Variants in PCA3 observed in about 807,000 individuals in gnomAD.
PCA3 encodes the protein prostate cancer associated 3, also known as Differential Display code 3.
chr9:76,769,494 CTCG>C (rs35213219), intron 2 of PCA3, among the ~76,000 whole-genome samples: 72,068 of 151,686 alleles, frequency 0.48, 17,499 homozygotes, highest in East Asian at 0.66. Flanking sequence ...ACAATCTCGG[CTCG>C]TCGTCGCAAC....
chr9:76,776,739 T>C (rs906800858), intron 2 of PCA3, among the ~76,000 whole-genome samples: 2 of 151,648 alleles, frequency 1.3e-5, no homozygotes, highest in African/African-American at 4.8e-5. Flanking sequence ...GATCTCGAAC[T>C]CCTAACCTCA....
intron 2 of PCA3, among the ~76,000 whole-genome samples, chr9:76,776,846 G>A (rs1217301590): frequency 7.2e-6 from 1 of 139,860 alleles, no homozygotes; most frequent in Non-Finnish European, 1.5e-5. Context: ...TATGTTTGAA[G>A]ATACATGAAG....
chr9:76,772,015 C>A (rs2053168450), intron 2 of PCA3, among the ~76,000 whole-genome samples: 1 of 152,182 alleles, frequency 6.6e-6, no homozygotes, highest in Non-Finnish European at 1.5e-5. Flanking sequence ...TATACGAAGT[C>A]CGAGAGCAGA....
intron 2 of PCA3, chr9:76,785,487 A>G (rs2054883039): frequency 6.6e-6 from 1 of 152,198 alleles, no homozygotes; most frequent in Non-Finnish European, 1.5e-5. Context: ...TATCTCTATC[A>G]CAATATCCAA....
At chr9:76,786,233 T>C (rs1589227049) in intron 2 of PCA3, 1 of 152,282 alleles carries the variant, frequency 6.6e-6, no homozygotes, top group East Asian at 1.9e-4. Flanking sequence ...TTTGTGTTCA[T>C]GGATAGTCCA....
chr9:76,786,122 A>C (rs1367375146), intron 2 of PCA3: 1 of 152,214 alleles, frequency 6.6e-6, no homozygotes, highest in East Asian at 1.9e-4. Context: ...AGCAGAAGCC[A>C]GAATTTGAAT....
chr9:76,780,376 G>C (rs1411488601), intron 2 of PCA3, among the ~76,000 whole-genome samples: 1 of 152,096 alleles, frequency 6.6e-6, no homozygotes, highest in Admixed American at 6.6e-5. Context: ...CTGGCCACCT[G>C]TATCCAAGAT....
At chr9:76,780,482 T>A (rs2054256718) in intron 2 of PCA3, among the ~76,000 whole-genome samples, 1 of 151,812 alleles carries the variant, frequency 6.6e-6, no homozygotes. Context: ...GGCCAGGAGA[T>A]CAAGACCATC....
intron 2 of PCA3, among the ~76,000 whole-genome samples, chr9:76,767,018 T>G (rs1317890659): frequency 6.6e-6 from 1 of 152,190 alleles, no homozygotes; most frequent in Non-Finnish European, 1.5e-5. Flanking sequence ...CGTGAAATCT[T>G]AACCTTGCCT....
At chr9:76,785,959 A>G (rs2054931828) in intron 2 of PCA3, 1 of 152,200 alleles carries the variant, frequency 6.6e-6, no homozygotes, top group African/African-American at 2.4e-5. Context: ...GACAACCACA[A>G]TATGCATAAA....
At chr9:76,782,090 T>A (rs2054476518) in intron 2 of PCA3, among the ~76,000 whole-genome samples, 1 of 152,124 alleles carries the variant, frequency 6.6e-6, no homozygotes, top group South Asian at 2.1e-4. Context: ...GGTGGGCACC[T>A]GTAGTCCCAG....
chr9:76,783,984 G>A (rs968313223), intron 2 of PCA3: 5 of 152,034 alleles, frequency 3.3e-5, no homozygotes, highest in Non-Finnish European at 7.3e-5. Flanking sequence ...CTGTCCTCCC[G>A]GAATCCACTA....
chr9:76,782,895 A>G (rs531047582), intron 2 of PCA3: 6 of 152,302 alleles, frequency 3.9e-5, no homozygotes, highest in Middle Eastern at 3.4e-3. Context: ...TTAACCATAT[A>G]CCTGCTATTC....
chr9:76,774,460 T>TATTTATTTATTTATTTTA (rs1564272674), intron 2 of PCA3, among the ~76,000 whole-genome samples: 1 of 138,662 alleles, frequency 7.2e-6, no homozygotes, highest in Admixed American at 7.2e-5. Context: ...CTTTTTTTTT[T>TATTTATTTATTTATTTTA]TTTTTTTTTT....
chr9:76,784,638 T>C (rs930561924), intron 2 of PCA3: 1 of 152,230 alleles, frequency 6.6e-6, no homozygotes, highest in African/African-American at 2.4e-5. Flanking sequence ...AGAATAACAT[T>C]ACTCATTTTG....
At chr9:76,767,464 A>AG (rs1356837773) in intron 2 of PCA3, among the ~76,000 whole-genome samples, 2 of 146,956 alleles carry the variant, frequency 1.4e-5, no homozygotes, top group African/African-American at 5.2e-5. Context: ...AAAAAAAAAG[A>AG]AAGAAAGAAA....
At chr9:76,779,331 G>A (rs2054128571) in intron 2 of PCA3, among the ~76,000 whole-genome samples, 1 of 151,552 alleles carries the variant, frequency 6.6e-6, no homozygotes, top group South Asian at 2.1e-4. Flanking sequence ...GTGAGATTAA[G>A]GCTCTTTGTG....
At chr9:76,776,377 G>C (rs867163738) in intron 2 of PCA3, among the ~76,000 whole-genome samples, 11 of 152,186 alleles carry the variant, frequency 7.2e-5, no homozygotes, top group African/African-American at 2.6e-4. Context: ...TTACAAGTGA[G>C]ACCATGTGGT....
chr9:76,768,623 G>GTA (rs749606024), intron 2 of PCA3, among the ~76,000 whole-genome samples: 53 of 130,226 alleles, frequency 4.1e-4, no homozygotes, highest in African/African-American at 1.4e-3. Flanking sequence ...GTGTGTGTGT[G>GTA]TATATCCCTG....
Sources: allele counts gnomAD v4.1 joint callset (sites outside exome capture counted in the v4.1 genomes callset), GRCh38; gene constraint gnomAD v4.1.1; transcripts MANE v1.5; gene names NCBI Gene and HGNC (gene_info 2026-07-23, HGNC 2026-07-21).